TRPS1: variants seen among roughly 807,000 people sequenced by gnomAD.
TRPS1 encodes zinc finger transcription factor Trps1.
In TRPS1, 6 loss-of-function variants were observed where a neutral mutation model predicts 101.2. The observed-to-expected ratio is 0.06, with a 90% CI of 0.03 to 0.12. The LOEUF is 0.12. TRPS1 is among the 10% of genes least tolerant of loss of function. TRPS1 has a pLI of 1.00. For missense variants in TRPS1, 1,363 were observed against 1,567.0 expected (o/e 0.87, Z 2.20); for synonymous variants, 578 against 589.8 (o/e 0.98, Z 0.29).
chr8:115,552,584 T>C (rs1816729938), intron 5 of TRPS1, among the ~76,000 whole-genome samples: 1 of 152,194 alleles, frequency 6.6e-6, no homozygotes. Flanking sequence ...TTATGCAATA[T>C]ATCCCTTTGT....
At chr8:115,504,479 T>C (rs1815393301) in intron 5 of TRPS1, among the ~76,000 whole-genome samples, 1 of 152,218 alleles carries the variant, frequency 6.6e-6, no homozygotes, top group Admixed American at 6.5e-5. Flanking sequence ...ACTTGAACTA[T>C]TTTTTAAATT....
chr8:115,650,198 T>C (rs1811528533), intron 1 of TRPS1, among the ~76,000 whole-genome samples: 1 of 152,224 alleles, frequency 6.6e-6, no homozygotes, highest in African/African-American at 2.4e-5. Flanking sequence ...TGTGGCTTAA[T>C]TTGCAAAATC....
chr8:115,640,705 A>AT (rs1000453175), intron 1 of TRPS1, among the ~76,000 whole-genome samples: 37 of 152,316 alleles, frequency 2.4e-4, no homozygotes, highest in African/African-American at 7.9e-4. Context: ...ACTTTACCTA[A>AT]TTTTCTCAAC....
chr8:115,640,295 G>C (rs997034885), intron 1 of TRPS1, among the ~76,000 whole-genome samples: 6 of 152,126 alleles, frequency 3.9e-5, no homozygotes, highest in African/African-American at 7.2e-5. Context: ...AAGAGACACA[G>C]GTTCATTATG....
chr8:115,431,181 C>A (rs529644755), intron 5 of TRPS1, among the ~76,000 whole-genome samples: 1 of 152,056 alleles, frequency 6.6e-6, no homozygotes, highest in South Asian at 2.1e-4. Context: ...ATTCAGAGAT[C>A]ATTAAATTTT....
At chr8:115,486,128 C>T (rs981133995) in intron 5 of TRPS1, among the ~76,000 whole-genome samples, 1 of 152,192 alleles carries the variant, frequency 6.6e-6, no homozygotes, top group Admixed American at 6.5e-5. Flanking sequence ...CACTTCATGT[C>T]ACAGTGTCAC....
intron 5 of TRPS1, among the ~76,000 whole-genome samples, chr8:115,454,748 C>T (rs774927224): frequency 3.9e-4 from 59 of 152,094 alleles, no homozygotes; most frequent in Non-Finnish European, 6.5e-4. Flanking sequence ...AATATAAGTA[C>T]ATTAAAAGAT....
chr8:115,419,064 C>T (rs1408791170), intron 5 of TRPS1, among the ~76,000 whole-genome samples: 1 of 152,120 alleles, frequency 6.6e-6, no homozygotes, highest in Non-Finnish European at 1.5e-5. Flanking sequence ...TACAGTATTA[C>T]TAATGAGAAC....
At chr8:115,567,628 T>TA (rs1304661145) in intron 5 of TRPS1, among the ~76,000 whole-genome samples, 5 of 152,092 alleles carry the variant, frequency 3.3e-5, no homozygotes, top group African/African-American at 1.2e-4. Context: ...CTTGATAACA[T>TA]AAAATATTCC....
chr8:115,472,286 C>T (rs1814491054), intron 5 of TRPS1, among the ~76,000 whole-genome samples: 1 of 152,222 alleles, frequency 6.6e-6, no homozygotes, highest in Non-Finnish European at 1.5e-5. Context: ...AGGCCCAACA[C>T]CACGTGGAAG....
At chr8:115,482,493 C>T (rs889139133) in intron 5 of TRPS1, among the ~76,000 whole-genome samples, 6 of 152,128 alleles carry the variant, frequency 3.9e-5, no homozygotes, top group Admixed American at 2.0e-4. Context: ...CAATTCATTA[C>T]AATCATTAAC....
intron 5 of TRPS1, chr8:115,510,936 TTCA>T (rs1652648923): frequency 6.6e-6 from 1 of 151,964 alleles, no homozygotes; most frequent in South Asian, 2.1e-4. Context: ...AAAGCAATAC[TTCA>T]TCACTAATTC....
intron 5 of TRPS1, among the ~76,000 whole-genome samples, chr8:115,496,701 A>G (rs1440470672): frequency 6.6e-6 from 1 of 152,194 alleles, no homozygotes; most frequent in Non-Finnish European, 1.5e-5. Context: ...GTTATGAAGA[A>G]AGGATAATGC....
intron 5 of TRPS1, among the ~76,000 whole-genome samples, chr8:115,444,775 G>A (rs1479179952): frequency 2.6e-5 from 4 of 151,984 alleles, no homozygotes; most frequent in African/African-American, 9.7e-5. Flanking sequence ...TCATCATTCA[G>A]TGTGACTCCA....
intron 5 of TRPS1, among the ~76,000 whole-genome samples, chr8:115,476,003 TTC>T (rs1187851580): frequency 1.6e-5 from 1 of 61,422 alleles, no homozygotes; most frequent in Non-Finnish European, 2.5e-5. Context: ...AAAATATACT[TTC>T]TTTTTTTTTT....
chr8:115,559,224 A>C (rs1816893211), intron 5 of TRPS1, among the ~76,000 whole-genome samples: 1 of 152,120 alleles, frequency 6.6e-6, no homozygotes, highest in African/African-American at 2.4e-5. Flanking sequence ...ATTTATTATC[A>C]TCCATGGCTG....
intron 5 of TRPS1, among the ~76,000 whole-genome samples, chr8:115,564,558 T>G (rs1237274743): frequency 1.3e-5 from 2 of 152,104 alleles, no homozygotes; most frequent in Non-Finnish European, 2.9e-5. Flanking sequence ...CTAGACAATA[T>G]GGTGACAGAT....
At chr8:115,582,871 T>A (rs1817483039) in intron 5 of TRPS1, among the ~76,000 whole-genome samples, 1 of 152,200 alleles carries the variant, frequency 6.6e-6, no homozygotes, top group African/African-American at 2.4e-5. Flanking sequence ...CTCTAATAAC[T>A]ACAGCATTTG....
intron 5 of TRPS1, among the ~76,000 whole-genome samples, chr8:115,580,855 C>T (rs181501243): frequency 5.3e-5 from 8 of 152,024 alleles, no homozygotes; most frequent in East Asian, 3.9e-4. Flanking sequence ...TCAAAAAAAC[C>T]GCAAACAGAG....
Sources: allele counts gnomAD v4.1 joint callset (sites outside exome capture counted in the v4.1 genomes callset), GRCh38; gene constraint gnomAD v4.1.1; transcripts MANE v1.5; gene names NCBI Gene and HGNC (gene_info 2026-07-23, HGNC 2026-07-21).